CSMD3: variants seen among roughly 807,000 people sequenced by gnomAD.
CSMD3 encodes the protein CUB and Sushi multiple domains 3, also known as CUB and sushi domain-containing protein 3.
Under a neutral mutation model 435.2 loss-of-function variants are expected in CSMD3, and 177 were observed. The observed-to-expected ratio is 0.41, with a 90% CI of 0.36 to 0.46. The LOEUF is 0.46. Among genes scored for constraint, CSMD3 ranks in the 20% least tolerant of loss-of-function variants. CSMD3 has a pLI of 0.34. For missense variants in CSMD3, 4,265 were observed against 4,504.6 expected (o/e 0.95, Z 1.52); for synonymous variants, 1,656 against 1,520.5 (o/e 1.09, Z -2.07).
chr8:113,320,436 A>G (rs1004380408), intron 1 of CSMD3, among the ~76,000 whole-genome samples: 4 of 152,030 alleles, frequency 2.6e-5, no homozygotes, highest in Non-Finnish European at 5.9e-5. Flanking sequence ...TGCAATGACT[A>G]TATGTATAGT....
rs184092073 is a variant in CSMD3, at chr8:113,033,367, T to C, written c.918-14188A>G. Among the ~76,000 whole-genome samples the C allele has an allele frequency of 2.0e-4, 31 of 151,730 alleles. 1 individual carries two copies. The highest frequency in any genetic ancestry group is 3.4e-3 in the Middle Eastern group (1 of 292). On this transcript the variant is annotated intron_variant, in intron 5 of 70. Coordinates refer to ENST00000297405, the MANE Select transcript of CSMD3 (RefSeq NM_198123.2). ...GCCCAAGACCTGGGAGCCCACCCAT[T>C]GCATCAATATGCCCTGGATGTGAGG...
At chr8:112,330,884 G>T (rs1482688742) in intron 45 of CSMD3, among the ~76,000 whole-genome samples, 1 of 151,960 alleles carries the variant, frequency 6.6e-6, no homozygotes, top group Non-Finnish European at 1.5e-5. Flanking sequence ...TGTTGTTATT[G>T]TTGTTTTGAT....
At chr8:113,322,190 C>G (rs2093953671) in intron 1 of CSMD3, among the ~76,000 whole-genome samples, 1 of 152,094 alleles carries the variant, frequency 6.6e-6, no homozygotes, top group East Asian at 1.9e-4. Flanking sequence ...TAACCATTAT[C>G]GCCTCAGATT....
At chr8:112,588,765 T>C (rs1586745415) in intron 22 of CSMD3, among the ~76,000 whole-genome samples, 1 of 152,294 alleles carries the variant, frequency 6.6e-6, no homozygotes, top group East Asian at 1.9e-4. Flanking sequence ...TACTCTATGC[T>C]GTGTAACAAC....
chr8:113,002,975 C>G (rs751002364), intron 6 of CSMD3, among the ~76,000 whole-genome samples: 26 of 152,054 alleles, frequency 1.7e-4, no homozygotes, highest in Non-Finnish European at 3.1e-4. Context: ...CACGGTGGTT[C>G]ACGTCTGTAA....
At chr8:113,420,741 A>G (rs969814569) in intron 1 of CSMD3, among the ~76,000 whole-genome samples, 2 of 152,026 alleles carry the variant, frequency 1.3e-5, no homozygotes, top group Non-Finnish European at 2.9e-5. Flanking sequence ...TGAGGTCAGG[A>G]GTTGAGGACC....
At chr8:112,526,463 C>T (rs1824977378) in intron 27 of CSMD3, among the ~76,000 whole-genome samples, 1 of 151,922 alleles carries the variant, frequency 6.6e-6, no homozygotes, top group South Asian at 2.1e-4. Context: ...TCAATTATTT[C>T]AACTGCATAT....
chr8:113,159,182 A>G (rs572642576), intron 4 of CSMD3, among the ~76,000 whole-genome samples: 64 of 152,040 alleles, frequency 4.2e-4, no homozygotes, highest in Admixed American at 1.1e-3. Context: ...TGAAGTAATT[A>G]CAGTCGTGTG....
At chr8:112,731,125 T>A (rs111407723) in intron 13 of CSMD3, among the ~76,000 whole-genome samples, 3,863 of 152,176 alleles carry the variant, frequency 0.025, 78 homozygotes, top group East Asian at 0.074. Context: ...TTGTGACATA[T>A]GAAGTACACA....
At chr8:112,454,899 C>T (rs1274673985) in intron 32 of CSMD3, among the ~76,000 whole-genome samples, 1 of 151,874 alleles carries the variant, frequency 6.6e-6, no homozygotes, top group East Asian at 1.9e-4. Flanking sequence ...TTTAAAATGA[C>T]CACGACTGTG....
At chr8:112,965,164 T>A (rs568294692) in intron 7 of CSMD3, among the ~76,000 whole-genome samples, 12 of 152,006 alleles carry the variant, frequency 7.9e-5, no homozygotes, top group Admixed American at 6.6e-4. Context: ...AAATAGAAAG[T>A]CTAGCCCCAT....
chr8:113,067,695 A>G (rs2088920728), intron 5 of CSMD3, among the ~76,000 whole-genome samples: 1 of 152,160 alleles, frequency 6.6e-6, no homozygotes, highest in Admixed American at 6.5e-5. Context: ...ACACTCAAAA[A>G]TAGTGACTTA....
At chr8:112,728,463 A>T (rs911913171) in intron 13 of CSMD3, among the ~76,000 whole-genome samples, 2 of 151,988 alleles carry the variant, frequency 1.3e-5, no homozygotes, top group South Asian at 4.1e-4. Flanking sequence ...TTCCTCCTAT[A>T]TTTCTACTTT....
chr8:113,010,825 T>C (rs901656866), intron 6 of CSMD3, among the ~76,000 whole-genome samples: 4 of 151,624 alleles, frequency 2.6e-5, no homozygotes, highest in Admixed American at 6.6e-5. Context: ...TTCTTTTTAA[T>C]TATAAACCAG....
intron 1 of CSMD3, among the ~76,000 whole-genome samples, chr8:113,351,364 G>A (rs990535455): frequency 5.3e-5 from 8 of 152,004 alleles, no homozygotes; most frequent in Middle Eastern, 3.2e-3. Flanking sequence ...AAGGCAAAGC[G>A]ATTACAAATA....
At chr8:113,358,884 A>G in intron 1 of CSMD3, among the ~76,000 whole-genome samples, 1 of 152,092 alleles carries the variant, frequency 6.6e-6, no homozygotes, top group East Asian at 1.9e-4. Context: ...ATAGCAAAAT[A>G]AAAAGGCTAT....
At position 112,638,895 on chromosome 8, in the gene CSMD3, G is replaced by T. The variant is rs779818886; in HGVS notation, c.3327C>A (p.Phe1109Leu). 2.4e-5 allele frequency: 38 copies of T among 1,611,034 alleles called. No homozygotes were observed. Among genetic ancestry groups the T allele is most frequent in the Non-Finnish European group, 3.1e-5 (37 of 1,177,644 alleles). Residue 1109 changes from phenylalanine (F) to leucine (L), a missense_variant, in exon 21 of 71, where the codon TTC becomes TTA. Coordinates refer to ENST00000297405, the MANE Select transcript of CSMD3 (RefSeq NM_198123.2). ...GATGGTCTTCCAAATGAAAAGTGTG[G>T]AAGTTGAACTGCACACCTATTAAGA... ...VTHGKGVQFN[F>L]HTFHLEDHHD... is the part of the protein sequence containing the mutation.
chr8:112,470,261 T>TATTAA (rs1255591713), intron 32 of CSMD3, among the ~76,000 whole-genome samples: 1 of 152,188 alleles, frequency 6.6e-6, no homozygotes, highest in Non-Finnish European at 1.5e-5. Context: ...TTTAAGACCT[T>TATTAA]AGTTCAATCC....
intron 11 of CSMD3, among the ~76,000 whole-genome samples, chr8:112,835,000 C>G (rs901073666): frequency 9.9e-5 from 15 of 151,718 alleles, no homozygotes; most frequent in Non-Finnish European, 1.8e-4. Flanking sequence ...CCAAGTAAGT[C>G]ACTCTCTTGA....
Sources: gnomAD v4.1 joint callset for allele counts (sites outside exome capture counted in the v4.1 genomes callset) on GRCh38, gnomAD v4.1.1 for gene constraint, MANE v1.5 for transcripts, NCBI Gene and HGNC (gene_info 2026-07-23, HGNC 2026-07-21) for gene names.